The following ABCA13 variants were observed in gnomAD, a reference collection of about 807,000 sequenced individuals.
ABCA13 encodes the protein ATP binding cassette subfamily A member 13, also known as ATP-binding cassette sub-family A member 13.
A neutral mutation model predicts 478.7 loss-of-function variants in ABCA13; 476 were observed. That is an observed-to-expected ratio of 0.99 (90% CI 0.92 to 1.07). ABCA13 has a LOEUF of 1.07. ABCA13 is among the 50% of genes least tolerant of loss of function. The pLI is 0.00. For missense variants in ABCA13, 6,060 were observed against 5,910.6 expected (o/e 1.03, Z -0.83); for synonymous variants, 2,252 against 2,158.9 (o/e 1.04, Z -1.20).
chr7:48,230,563 G>C (rs1457478073), intron 7 of ABCA13, among the ~76,000 whole-genome samples: 9 of 152,106 alleles, frequency 5.9e-5, no homozygotes, highest in Non-Finnish European at 1.3e-4. Flanking sequence ...AACAAAGTTG[G>C]AATTCATCCA....
chr7:48,625,178 A>T (rs1793546534), intron 59 of ABCA13, among the ~76,000 whole-genome samples: 1 of 152,228 alleles, frequency 6.6e-6, no homozygotes, highest in Admixed American at 6.5e-5. Flanking sequence ...AAATTAATGT[A>T]TCACCTTATG....
intron 1 of ABCA13, among the ~76,000 whole-genome samples, chr7:48,192,593 TA>T (rs1161248638): frequency 1.3e-5 from 2 of 152,104 alleles, no homozygotes; most frequent in African/African-American, 2.4e-5. Flanking sequence ...TCTATTTGGG[TA>T]AAAAAGTCAG....
At chr7:48,444,318 A>G (rs1471207770) in intron 42 of ABCA13, among the ~76,000 whole-genome samples, 1 of 152,134 alleles carries the variant, frequency 6.6e-6, no homozygotes, top group Non-Finnish European at 1.5e-5. Flanking sequence ...ACAAGCTGTG[A>G]CTTGCATCGT....
intron 55 of ABCA13, among the ~76,000 whole-genome samples, chr7:48,546,600 A>G (rs1055150044): frequency 1.3e-5 from 2 of 151,744 alleles, no homozygotes; most frequent in Non-Finnish European, 2.9e-5. Flanking sequence ...ATTTCAAACT[A>G]GCATTTTTTG....
chr7:48,260,938 CTT>C (rs1291875247), intron 15 of ABCA13, among the ~76,000 whole-genome samples: 1 of 151,614 alleles, frequency 6.6e-6, no homozygotes, highest in Non-Finnish European at 1.5e-5. Context: ...CTTCCAGCAA[CTT>C]TTTCAGGGAA....
At chr7:48,251,460 C>G (rs1562882634) in intron 15 of ABCA13, among the ~76,000 whole-genome samples, 1 of 152,064 alleles carries the variant, frequency 6.6e-6, no homozygotes, top group Non-Finnish European at 1.5e-5. Context: ...GATTTTATTC[C>G]TAGCATAGGT....
chr7:48,341,908 TATATACTC>T (rs1432468003), intron 29 of ABCA13, among the ~76,000 whole-genome samples: 1 of 140,680 alleles, frequency 7.1e-6, no homozygotes, highest in Non-Finnish European at 1.6e-5. Flanking sequence ...TTCTGATATA[TATATACTC>T]ATATATATAT....
Position 48,354,394 on chromosome 7 carries a change from T to C in ABCA13, c.10688+1907T>C, listed in dbSNP as rs79926152. 3.0e-3 allele frequency among the ~76,000 whole-genome samples: 450 copies of C among 152,130 alleles called. 12 individuals are homozygous for C. The highest frequency in any genetic ancestry group is 0.01 in the African/African-American group (419 of 41,392). ...GCATACACTCCTACAAATGTATTGA[T>C]GGAAATCCAGAAATGGCCTGAGTAA... On this transcript the variant is annotated intron_variant, in intron 31 of 61. Transcript: ENST00000435803.
At chr7:48,496,242 T>G (rs1489669628) in intron 48 of ABCA13, among the ~76,000 whole-genome samples, 1 of 152,128 alleles carries the variant, frequency 6.6e-6, no homozygotes, top group Admixed American at 6.5e-5. Flanking sequence ...TTTAAGTATA[T>G]ACATTCATTT....
chr7:48,391,892 T>A (rs1816118830), intron 37 of ABCA13, 29 bp from the exon 38 acceptor site: 1 of 1,602,244 alleles, frequency 6.2e-7, no homozygotes, highest in African/African-American at 1.3e-5. Flanking sequence ...CAACGCGTAT[T>A]CTCCATGCTG....
rs574394653 is a variant in ABCA13 at position 48,541,400 on chromosome 7, T to C, written c.14354+13055T>C. ...GGCTCCTGAACACCATAAATGTTAA[T>C]CTCATTAGCCATGATTTACTGTGTC... On this transcript the variant is annotated intron_variant, in intron 55 of 61. Transcript: ENST00000435803. Among the ~76,000 whole-genome samples, 77 of 152,268 alleles carry C rather than the reference T, an allele frequency of 5.1e-4. 2 individuals carry two copies. The South Asian group carries it at 0.015, about 30-fold the overall frequency.
chr7:48,285,372 G>A (rs1562967389), intron 19 of ABCA13, among the ~76,000 whole-genome samples: 1 of 152,222 alleles, frequency 6.6e-6, no homozygotes, highest in East Asian at 1.9e-4. Flanking sequence ...GCAATGAGAG[G>A]TGGAGAAAGA....
At chr7:48,417,267 G>C (rs1464402399) in intron 41 of ABCA13, among the ~76,000 whole-genome samples, 1 of 152,256 alleles carries the variant, frequency 6.6e-6, no homozygotes, top group East Asian at 1.9e-4. Flanking sequence ...ACATGCATTT[G>C]TGTCCTAGAT....
At chr7:48,461,515 A>G (rs191499566) in intron 43 of ABCA13, among the ~76,000 whole-genome samples, 1 of 152,298 alleles carries the variant, frequency 6.6e-6, no homozygotes, top group African/African-American at 2.4e-5. Flanking sequence ...TGACTTAATT[A>G]TGTATACATT....
intron 31 of ABCA13, among the ~76,000 whole-genome samples, chr7:48,364,235 T>C (rs959292700): frequency 6.6e-6 from 1 of 152,182 alleles, no homozygotes; most frequent in Non-Finnish European, 1.5e-5. Flanking sequence ...TCCCTGGAAA[T>C]AGGGTCTAGG....
intron 42 of ABCA13, among the ~76,000 whole-genome samples, chr7:48,431,235 G>A (rs1822099074): frequency 6.6e-6 from 1 of 152,016 alleles, no homozygotes; most frequent in South Asian, 2.1e-4. Context: ...ATTTCACCAT[G>A]TTGGCCAGGC....
intron 15 of ABCA13, among the ~76,000 whole-genome samples, chr7:48,255,372 ATTAATAC>A: frequency 6.6e-6 from 1 of 152,302 alleles, no homozygotes; most frequent in Non-Finnish European, 1.5e-5. Context: ...TATTAAAGGA[ATTAATAC>A]TTAAGACAGT....
intron 55 of ABCA13, among the ~76,000 whole-genome samples, chr7:48,550,660 A>C (rs1457560985): frequency 6.6e-6 from 1 of 151,738 alleles, no homozygotes; most frequent in Non-Finnish European, 1.5e-5. Flanking sequence ...GCTGAATAAT[A>C]CTGTGAATCC....
intron 29 of ABCA13, among the ~76,000 whole-genome samples, chr7:48,343,277 C>T (rs565422539): frequency 2.0e-5 from 3 of 152,284 alleles, no homozygotes; most frequent in Admixed American, 6.5e-5. Context: ...GGCAGGGCCA[C>T]GTTTTCCTAA....
Sources: allele counts gnomAD v4.1 joint callset (sites outside exome capture counted in the v4.1 genomes callset), GRCh38; gene constraint gnomAD v4.1.1; transcripts MANE v1.5; gene names NCBI Gene and HGNC (gene_info 2026-07-23, HGNC 2026-07-21).